SLC39A11: variants seen among roughly 807,000 people sequenced by gnomAD.
SLC39A11 encodes solute carrier family 39 member 11.
Under a neutral mutation model 36.1 loss-of-function variants are expected in SLC39A11, and 33 were observed. That is an observed-to-expected ratio of 0.91 (90% CI 0.69 to 1.22). The LOEUF is 1.22. SLC39A11 is among the 50% of genes most tolerant of loss of function. SLC39A11 has a pLI of 0.00. For synonymous variants in SLC39A11, 166 were observed against 170.3 expected, an observed-to-expected ratio of 0.97 and a Z score of 0.20; for missense variants, 432 against 430.3, an observed-to-expected ratio of 1.00 and a Z score of -0.03.
intron 7 of SLC39A11, among the ~76,000 whole-genome samples, chr17:72,675,177 C>T (rs1020463814): frequency 7.2e-5 from 11 of 152,058 alleles, no homozygotes; most frequent in Admixed American, 6.5e-5. Flanking sequence ...AACCTAATCA[C>T]GATTGTGATG....
At chr17:72,964,190 T>C (rs995527375) in intron 4 of SLC39A11, among the ~76,000 whole-genome samples, 6 of 152,252 alleles carry the variant, frequency 3.9e-5, no homozygotes, top group Non-Finnish European at 8.8e-5. Flanking sequence ...GTGCTGACCT[T>C]TGGGCTAAGC....
chr17:72,980,508 G>T (rs1036932968), intron 4 of SLC39A11, among the ~76,000 whole-genome samples: 3 of 151,942 alleles, frequency 2.0e-5, no homozygotes, highest in Non-Finnish European at 4.4e-5. Context: ...AACAAAGCTT[G>T]TAAAAAAAAA....
In SLC39A11 at chr17:72,681,096, C is replaced by T. The variant is rs538788805; in HGVS notation, c.672-31828G>A. Among the ~76,000 whole-genome samples the T allele has an allele frequency of 2.0e-5, 3 of 152,272 alleles. No homozygotes were observed. The South Asian group carries it at 6.2e-4, about 32-fold the overall frequency. On this transcript the variant is annotated intron_variant, in intron 7 of 9. Coordinates refer to ENST00000255559, the MANE Select transcript of SLC39A11 (RefSeq NM_139177.4). Reference sequence around the variant, plus strand: ...TAGCTGGGATTACAGGCACACAACACCATGCCCAGGTAATTTTTTTGGGTT... The same window carrying T: ...TAGCTGGGATTACAGGCACACAACATCATGCCCAGGTAATTTTTTTGGGTT...
chr17:72,786,194 T>C (rs193173834), intron 6 of SLC39A11, among the ~76,000 whole-genome samples: 12 of 152,344 alleles, frequency 7.9e-5, no homozygotes, highest in African/African-American at 2.9e-4. Context: ...TGGAATCTGA[T>C]GGAAACATCA....
chr17:72,796,013 C>CA (rs1032918008), intron 6 of SLC39A11, among the ~76,000 whole-genome samples: 8 of 152,036 alleles, frequency 5.3e-5, no homozygotes, highest in African/African-American at 1.9e-4. Context: ...ACAAAGAGGT[C>CA]AAAATTGCAA....
rs1012732939 is a variant in SLC39A11, at chr17:72,706,121, C to T, written c.671+30529G>A. Among the ~76,000 whole-genome samples the T allele has an allele frequency of 2.0e-5, 3 of 152,190 alleles. No homozygotes were observed. The East Asian group carries it at 5.8e-4, about 29-fold the overall frequency. Reference sequence around the variant, plus strand: ...GCTGGAACCGGCAAACAGCTGCCTGCCGACACCTTGGGTTTCAGATGTGGG... The same window carrying T: ...GCTGGAACCGGCAAACAGCTGCCTGTCGACACCTTGGGTTTCAGATGTGGG... On this transcript the variant is annotated intron_variant, in intron 7 of 9. Transcript: ENST00000255559.
At chr17:72,717,957 A>G (rs964818479) in intron 7 of SLC39A11, among the ~76,000 whole-genome samples, 3 of 152,150 alleles carry the variant, frequency 2.0e-5, no homozygotes, top group Non-Finnish European at 4.4e-5. Context: ...TGCCCCCGGT[A>G]TCTCACTGCT....
At chr17:72,887,215 T>C (rs557460562) in intron 5 of SLC39A11, among the ~76,000 whole-genome samples, 1 of 152,230 alleles carries the variant, frequency 6.6e-6, no homozygotes, top group Admixed American at 6.5e-5. Context: ...AATGAATAAA[T>C]GGATCAGATA....
intron 6 of SLC39A11, among the ~76,000 whole-genome samples, chr17:72,739,641 C>T (rs1023096032): frequency 1.3e-5 from 2 of 152,128 alleles, no homozygotes; most frequent in African/African-American, 2.4e-5. Context: ...CTTCTGGGCC[C>T]GGCCTCTCAG....
Position 72,907,326 on chromosome 17 carries a change from C to T in SLC39A11, c.430+40426G>A, listed in dbSNP as rs541361411. ...CCAACATGATGAAACCCTGTCTCTA[C>T]TAAAAATACAAAAATTAGCCAGGCA... On this transcript the variant is annotated intron_variant, in intron 5 of 9. Coordinates refer to ENST00000255559, the MANE Select transcript of SLC39A11 (RefSeq NM_139177.4). 3.3e-5 allele frequency among the ~76,000 whole-genome samples: 5 copies of T among 152,232 alleles called. No homozygotes were observed. The East Asian group carries it at 9.7e-4, about 29-fold the overall frequency.
chr17:72,784,561 G>A (rs1598725226), intron 6 of SLC39A11, among the ~76,000 whole-genome samples: 1 of 152,220 alleles, frequency 6.6e-6, no homozygotes, highest in East Asian at 1.9e-4. Flanking sequence ...GAATTGTAAT[G>A]ACCGATGCTG....
chr17:73,033,434 C>A (rs2058802660), intron 3 of SLC39A11, among the ~76,000 whole-genome samples: 1 of 152,220 alleles, frequency 6.6e-6, no homozygotes, highest in East Asian at 1.9e-4. Context: ...GGTTCTCCAG[C>A]AGATGAGCTG....
At chr17:72,890,164 CT>C (rs1356144782) in intron 5 of SLC39A11, among the ~76,000 whole-genome samples, 1 of 151,930 alleles carries the variant, frequency 6.6e-6, no homozygotes, top group Non-Finnish European at 1.5e-5. Flanking sequence ...ACTTGGGAGG[CT>C]GAGACAGGAG....
At chr17:72,667,290 T>C (rs1272232284) in intron 7 of SLC39A11, among the ~76,000 whole-genome samples, 1 of 152,194 alleles carries the variant, frequency 6.6e-6, no homozygotes, top group Non-Finnish European at 1.5e-5. Flanking sequence ...GTGAGACTCC[T>C]GCTGTTACCC....
In SLC39A11 at chr17:73,061,553, T is replaced by C. The variant is rs145450197; in HGVS notation, c.147+23255A>G. Among the ~76,000 whole-genome samples, 614 of 152,350 alleles carry C rather than the reference T, an allele frequency of 4.0e-3. 3 individuals carry two copies. Among genetic ancestry groups the C allele is most frequent in the African/African-American group, 0.013 (523 of 41,584 alleles). On this transcript the variant is annotated intron_variant, in intron 3 of 9. Coordinates refer to ENST00000255559, the MANE Select transcript of SLC39A11 (RefSeq NM_139177.4). ...TTTATCCAAGTCAAATCACCTATGA[T>C]GACCTATTCATTGGACAGGGTTATG...
At chr17:72,771,656 A>AT (rs1481849026) in intron 6 of SLC39A11, among the ~76,000 whole-genome samples, 1 of 152,198 alleles carries the variant, frequency 6.6e-6, no homozygotes, top group Non-Finnish European at 1.5e-5. Flanking sequence ...CAGATTCCTA[A>AT]TAAAAAAAAG....
chr17:72,978,361 A>T (rs1199533497), intron 4 of SLC39A11, among the ~76,000 whole-genome samples: 1 of 152,238 alleles, frequency 6.6e-6, no homozygotes, highest in Non-Finnish European at 1.5e-5. Flanking sequence ...GTCCTCAAGG[A>T]GCCTACATTG....
intron 3 of SLC39A11, among the ~76,000 whole-genome samples, chr17:73,079,869 A>G (rs2060456207): frequency 6.6e-6 from 1 of 152,210 alleles, no homozygotes; most frequent in Non-Finnish European, 1.5e-5. Flanking sequence ...GCTGAGAATC[A>G]AAGCAAAAAC....
intron 6 of SLC39A11, among the ~76,000 whole-genome samples, chr17:72,740,056 CTTTTTTTT>C (rs386386565): frequency 1.2e-4 from 10 of 81,466 alleles, no homozygotes; most frequent in African/African-American, 3.1e-4. Flanking sequence ...CTTTCCTTTT[CTTTTTTTT>C]TTTTTTTTTT....
Sources: allele counts gnomAD v4.1 joint callset (sites outside exome capture counted in the v4.1 genomes callset), GRCh38; gene constraint gnomAD v4.1.1; transcripts MANE v1.5; gene names NCBI Gene and HGNC (gene_info 2026-07-23, HGNC 2026-07-21).